Variants in ZNF577 observed in about 807,000 individuals in gnomAD.
ZNF577 encodes the protein zinc finger protein 577.
In ZNF577, 14 loss-of-function variants were observed where a neutral mutation model predicts 13.9. That is an observed-to-expected ratio of 1.00 (90% CI 0.66 to 1.57). The LOEUF is 1.57. Ranked by LOEUF, ZNF577 falls within the 40% of genes most tolerant of loss-of-function variation. The pLI is 0.00. For synonymous variants in ZNF577, 203 were observed against 202.9 expected, an observed-to-expected ratio of 1.00 and a Z score of 0.00; for missense variants, 555 against 579.2, an observed-to-expected ratio of 0.96 and a Z score of 0.43.
At chr19:51,885,466 G>T (rs1478536740) in intron 1 of ZNF577, among the ~76,000 whole-genome samples, 2 of 152,196 alleles carry the variant, frequency 1.3e-5, no homozygotes, top group African/African-American at 4.8e-5. Flanking sequence ...TTCTCCTTGT[G>T]TCTAGCATAC....
chr19:51,838,537 A>G (rs1418224379), intron 9 of ZNF577, among the ~76,000 whole-genome samples: 1 of 148,392 alleles, frequency 6.7e-6, no homozygotes, highest in African/African-American at 2.4e-5. Flanking sequence ...TAAGAGGGTT[A>G]AAAAAAGAAA....
chr19:51,808,972 G>A (rs1387853530), intron 10 of ZNF577, among the ~76,000 whole-genome samples: 1 of 152,204 alleles, frequency 6.6e-6, no homozygotes, highest in Non-Finnish European at 1.5e-5. Flanking sequence ...AGTGGGCAGA[G>A]GAGAAATATC....
chr19:51,842,012 T>G (rs2084323769), intron 8 of ZNF577, among the ~76,000 whole-genome samples: 1 of 152,074 alleles, frequency 6.6e-6, no homozygotes, highest in African/African-American at 2.4e-5. Context: ...AGACATTCAA[T>G]AAAAGAAATA....
At chr19:51,810,606 G>A (rs992873515) in intron 10 of ZNF577, among the ~76,000 whole-genome samples, 3 of 152,142 alleles carry the variant, frequency 2.0e-5, no homozygotes, top group African/African-American at 7.2e-5. Flanking sequence ...CCAGCAACAT[G>A]GTTCTGTTTA....
At chr19:51,851,128 G>A (rs13382098) in intron 5 of ZNF577, among the ~76,000 whole-genome samples, 49,047 of 151,918 alleles carry the variant, frequency 0.32, 8,221 homozygotes, top group South Asian at 0.53. Context: ...ATCTTTATAA[G>A]GTATCAGAAA....
intron 5 of ZNF577, among the ~76,000 whole-genome samples, chr19:51,874,901 G>T (rs548487183): frequency 6.6e-6 from 1 of 152,134 alleles, no homozygotes; most frequent in African/African-American, 2.4e-5. Context: ...GCAGAAAAGC[G>T]AAGAATTGAG....
chr19:51,858,845 T>G (rs2084466413), intron 5 of ZNF577, among the ~76,000 whole-genome samples: 1 of 152,236 alleles, frequency 6.6e-6, no homozygotes, highest in Non-Finnish European at 1.5e-5. Flanking sequence ...TTTTTCTTCA[T>G]GTAAAAATTC....
intron 5 of ZNF577, among the ~76,000 whole-genome samples, chr19:51,857,932 T>G (rs944028870): frequency 6.6e-6 from 1 of 152,166 alleles, no homozygotes; most frequent in South Asian, 2.1e-4. Flanking sequence ...AGGATCCACC[T>G]GTAATCCCAA....
At position 51,871,698 on chromosome 19, in the gene ZNF577, C is replaced by T. The variant is rs1002449407; in HGVS notation, c.*834G>A. On this transcript the variant is annotated 3_prime_UTR_variant, in exon 6 of 6. Transcript: ENST00000638348. ...CAGTGTAATCACAAGGGTCCTCAAA[C>T]ATGGAAGAGGGAGACAGAACACTCA... 2.0e-5 allele frequency: 3 copies of T among 152,058 alleles called. No individual in the cohort carries two copies. The highest frequency in any genetic ancestry group is 7.2e-5 in the African/African-American group (3 of 41,388). The allele number at this position is 152,058 out of a possible 1,614,324, so 9.4% of individuals were successfully genotyped here.
At chr19:51,816,615 T>G (rs1392166563) in intron 9 of ZNF577, among the ~76,000 whole-genome samples, 1 of 152,230 alleles carries the variant, frequency 6.6e-6, no homozygotes, top group Non-Finnish European at 1.5e-5. Context: ...TGCATGCCAT[T>G]CTAGCAAATT....
chr19:51,823,760 C>T (rs1368656917), intron 9 of ZNF577: 2 of 1,584,780 alleles, frequency 1.3e-6, no homozygotes, highest in Admixed American at 1.8e-5. Context: ...TGGAAACCAA[C>T]TTCTCCATTC....
chr19:51,844,050 CTTTTTTTTTTT>C (rs34391853), intron 6 of ZNF577, among the ~76,000 whole-genome samples: 1 of 127,126 alleles, frequency 7.9e-6, no homozygotes, highest in African/African-American at 2.8e-5. Flanking sequence ...AGCCACTACA[CTTTTTTTTTTT>C]TTTTTTTTTT....
chr19:51,842,216 G>A (rs8099997), intron 8 of ZNF577, among the ~76,000 whole-genome samples: 69,137 of 152,014 alleles, frequency 0.45, 16,132 homozygotes, highest in South Asian at 0.58. Context: ...GAGGGAGAAA[G>A]AGAGGCACAT....
intron 6 of ZNF577, among the ~76,000 whole-genome samples, chr19:51,844,579 G>A (rs1308266594): frequency 6.6e-6 from 1 of 152,148 alleles, no homozygotes; most frequent in Admixed American, 6.5e-5. Context: ...CACCTTTCAG[G>A]ACCCTACGAC....
chr19:51,873,497 T>C lies in ZNF577; in HGVS notation c.493A>G (p.Arg165Gly). The C allele has an allele frequency of 6.2e-7, 1 of 1,614,236 alleles. No individual in the cohort carries two copies. The highest frequency in any genetic ancestry group is 8.5e-7 in the Non-Finnish European group (1 of 1,180,048). ...GKPHECSVCG[R>G]AFSRKAQLIQ... is the part of the protein sequence containing the mutation. ...AGCTGTGCTTTCCTGGAGAAGGCTC[T>C]CCCGCACACACTGCATTCATGTGGT... The change falls in exon 6 of 6, where the codon AGA becomes GGA. Residue 165 changes from arginine (R) to glycine (G), a missense_variant. By Grantham distance (125) the Arg-to-Gly change is moderately radical (BLOSUM62 -2). Transcript: ENST00000638348.
chr19:51,813,160 A>AC (rs763343827), intron 9 of ZNF577, among the ~76,000 whole-genome samples: 1 of 147,248 alleles, frequency 6.8e-6, no homozygotes, highest in Non-Finnish European at 1.5e-5. Flanking sequence ...ACACACACAC[A>AC]CCCCATAAAT....
chr19:51,857,349 A>AAG lies in ZNF577; in HGVS notation c.284-12419_284-12418insCT, dbSNP rs1200270055. On this transcript the variant is annotated intron_variant and NMD_transcript_variant, in intron 5 of 10. Coordinates refer to the ZNF577 transcript ENST00000638827. ...AAGGAGAAAGGAGAGAAAGAAAGAG[A>AAG]GAAAGAAAGAAGGAAGGAAAGAAAG... Among the ~76,000 whole-genome samples the AAG allele has an allele frequency of 8.7e-5, 10 of 114,920 alleles. 1 individual carries two copies. The highest frequency in any genetic ancestry group is 3.6e-4 in the African/African-American group (9 of 24,658). 75.4% of individuals were successfully genotyped at this position (114,920 alleles called of 152,430 possible). A position where few individuals can be genotyped will look rare whatever the true frequency, so the allele number is the denominator to read the frequency against.
At chr19:51,860,803 A>G (rs1368239396) in intron 5 of ZNF577, 3 of 296,308 alleles carry the variant, frequency 1.0e-5, no homozygotes, top group Non-Finnish European at 1.9e-5. Flanking sequence ...GATAAACATT[A>G]ACTGGGAAGA....
chr19:51,881,098 T>C (rs2084855059), intron 1 of ZNF577, among the ~76,000 whole-genome samples: 1 of 152,266 alleles, frequency 6.6e-6, no homozygotes, highest in South Asian at 2.1e-4. Context: ...AGAGTGGATG[T>C]GAAACAGGAG....
Sources: allele counts gnomAD v4.1 joint callset (sites outside exome capture counted in the v4.1 genomes callset), GRCh38; gene constraint gnomAD v4.1.1; transcripts MANE v1.5; gene names NCBI Gene and HGNC (gene_info 2026-07-23, HGNC 2026-07-21).